SCNN1A: variants seen among roughly 807,000 people sequenced by gnomAD.
SCNN1A encodes epithelial sodium channel subunit alpha.
A neutral mutation model predicts 68.6 loss-of-function variants in SCNN1A; 65 were observed. The ratio of observed to expected loss-of-function variants is 0.95; its 90% CI spans 0.78 to 1.16. SCNN1A has a LOEUF of 1.16. Among genes scored for constraint, SCNN1A ranks in the 50% most tolerant of loss-of-function variants. The pLI, the probability that SCNN1A is intolerant of heterozygous loss-of-function variation, is 0.00. For missense variants in SCNN1A, 880 were observed against 865.9 expected (o/e 1.02, Z -0.20); for synonymous variants, 357 against 353.3 (o/e 1.01, Z -0.12).
Position 6,372,922 on chromosome 12 carries a change from ACT to A in SCNN1A, c.416+1444_416+1445del, listed in dbSNP as rs1053092144. Among the ~76,000 whole-genome samples, 3 of 152,040 alleles carry A rather than the reference ACT, an allele frequency of 2.0e-5. No homozygotes were observed. The highest frequency in any genetic ancestry group is 2.9e-5 in the Non-Finnish European group (2 of 68,000). On this transcript the variant is annotated intron_variant, in intron 2 of 12. Transcript: ENST00000228916. The surrounding 1 kb of genome is among the most constrained non-coding windows in gnomAD (Gnocchi z 5.8). ...AAACAGGATGAGTCACAGCTCAGTC[ACT>A]CTCTCTGTGATGTTGTGACTTGCCT... is the stretch of plus-strand genomic sequence containing the variant.
rs72645133 is a variant in SCNN1A at position 6,375,355 on chromosome 12, C to T, written c.-55+150G>A. ...CAGCTCCAGCCTCTGGCCCTGACCT[C>T]GAGCTGTGTCCTGATTCTGTCTCTG... is the stretch of plus-strand genomic sequence containing the variant. On this transcript the variant is annotated intron_variant, in intron 1 of 12. Transcript: ENST00000228916. The T allele has an allele frequency of 8.5e-5, 123 of 1,451,198 alleles. No homozygotes were observed. In the African/African-American group the frequency reaches 1.3e-3, roughly 16 times the overall value. The allele number at this position is 1,451,198 out of a possible 1,614,324, so 89.9% of individuals were successfully genotyped here.
rs775058248 is a variant in SCNN1A at position 6,374,539 on chromosome 12, A to T, written c.245T>A (p.Met82Lys). ...IRLVCSQHNR[M>K]KTAFWAVLWL... ...CAGCACTGCCCAGAAGGCCGTCTTC[A>T]TGCGGTTGTGCTGGGAGCACACCAG... The change falls in exon 2 of 13, where the codon ATG becomes AAG. Residue 82 changes from methionine to lysine, a missense_variant. Transcript: ENST00000228916. This position sits in a 1 kb window ranked among gnomAD's most constrained non-coding sequence, Gnocchi z 6.2. 1.9e-6 allele frequency: 3 copies of T among 1,614,224 alleles called. No homozygotes were observed. The highest frequency in any genetic ancestry group is 2.5e-6 in the Non-Finnish European group (3 of 1,180,036).
intron 2 of SCNN1A, 41 bp from the exon 3 acceptor site, chr12:6,363,751 G>C (rs764593242): frequency 6.5e-7 from 1 of 1,541,468 alleles, no homozygotes; most frequent in Non-Finnish European, 8.8e-7. Flanking sequence ...AGGGGCCCTG[G>C]AGCGAGTGTC....
Position 6,347,351 on chromosome 12 carries a change from T to C in SCNN1A, c.*522A>G, listed in dbSNP as rs1050028022. On this transcript the variant is annotated 3_prime_UTR_variant, in exon 13 of 13. Transcript: ENST00000228916. ...GCCCTCGGGAGTCAGGGAAGGGGAATTGCCTAAGTAACAAAGGGGGCTTTT... is the reference window on the plus strand; with the variant it reads ...GCCCTCGGGAGTCAGGGAAGGGGAACTGCCTAAGTAACAAAGGGGGCTTTT... The C allele has an allele frequency of 5.4e-5, 9 of 166,514 alleles. No homozygotes were observed. The highest frequency in any genetic ancestry group is 1.9e-4 in the African/African-American group (8 of 41,620). The allele number at this position is 166,514 out of a possible 1,614,324, so 10.3% of individuals were successfully genotyped here. A position where few individuals can be genotyped will look rare whatever the true frequency, so the allele number is the denominator to read the frequency against.
chr12:6,362,388 G>A, intron 3 of SCNN1A, 147 bp from the exon 4 acceptor site: 2 of 760,692 alleles, frequency 2.6e-6, no homozygotes, highest in Admixed American at 3.9e-5. Context: ...AGAAGTGGAA[G>A]AGAAGCAGAA....
chr12:6,369,314 T>TAC (rs2136899983), intron 2 of SCNN1A, among the ~76,000 whole-genome samples: 3 of 136,810 alleles, frequency 2.2e-5, no homozygotes, highest in South Asian at 4.8e-4. Flanking sequence ...CCTGCCACCC[T>TAC]ACGCACCTCC....
At chr12:6,366,551 G>C (rs555470952) in intron 2 of SCNN1A, among the ~76,000 whole-genome samples, 1 of 151,512 alleles carries the variant, frequency 6.6e-6, no homozygotes, top group Non-Finnish European at 1.5e-5. Flanking sequence ...CTGTAATCCC[G>C]GCACTTTGGG....
intron 2 of SCNN1A, 27 bp from the exon 3 acceptor site, chr12:6,363,737 G>C (rs1268644966): frequency 1.3e-6 from 2 of 1,573,964 alleles, no homozygotes; most frequent in Admixed American, 3.5e-5. Flanking sequence ...AAGAGGGTCA[G>C]GCCAGGGGCC....
intron 2 of SCNN1A, among the ~76,000 whole-genome samples, chr12:6,369,855 A>C (rs1010586594): frequency 2.1e-5 from 3 of 143,452 alleles, no homozygotes; most frequent in Non-Finnish European, 4.6e-5. Flanking sequence ...AAAAAAAAAA[A>C]TCTCTCCCTC....
chr12:6,354,838 T>C lies in SCNN1A; in HGVS notation c.1154A>G (p.Asp385Gly), dbSNP rs201214012. ...TSISMRKETLDRLGGDYGDCT... is the reference protein window; with the variant it reads ...TSISMRKETLGRLGGDYGDCT... ...GTCGCCATAATCGCCCCCAAGTCTG[T>C]CCAGGGTTTCCTATGAACCCACATA... Residue 385 changes from aspartate (D) to glycine (G), a missense_variant, in exon 7 of 13, where the codon GAC becomes GGC. Physicochemically the swap from Asp to Gly is moderately conservative, Grantham distance 94. Coordinates refer to ENST00000228916, the MANE Select transcript of SCNN1A (RefSeq NM_001038.6). 1.3e-4 allele frequency: 204 copies of C among 1,613,558 alleles called. 2 individuals carry two copies. Among genetic ancestry groups the C allele is most frequent in the Non-Finnish European group, 8.5e-6 (10 of 1,179,794 alleles).
Position 6,348,149 on chromosome 12 carries a change from G to GACC in SCNN1A, c.1731_1733dup (p.Val578dup). 6.2e-7 allele frequency: 1 copy of GACC among 1,614,164 alleles called. No homozygotes were observed. The highest frequency in any genetic ancestry group is 1.1e-5 in the South Asian group (1 of 91,074). On this transcript the variant is annotated inframe_insertion, in exon 13 of 13. Transcript: ENST00000228916. ...TTCGGAGCAGCATGAGGAACATGAT[G>GACC]ACCAGCAGGTCAAAGACGAGCTCAG...
Position 6,363,794 on chromosome 12 carries a change from C to T in SCNN1A, c.417-84G>A, listed in dbSNP as rs945182963. 11 of 1,335,426 alleles carry T rather than the reference C, an allele frequency of 8.2e-6. No homozygotes were observed. The South Asian group carries it at 9.2e-5, about 11-fold the overall frequency. 82.7% of individuals were successfully genotyped at this position (1,335,426 alleles called of 1,614,324 possible). On this transcript the variant is annotated intron_variant, in intron 2 of 12. Coordinates refer to ENST00000228916, the MANE Select transcript of SCNN1A (RefSeq NM_001038.6). ...TCCGGGGTCAGGGTCCTCATCTGTG[C>T]CCCGGGAGGCCGGTCCATCCCGGAG...
intron 4 of SCNN1A, among the ~76,000 whole-genome samples, chr12:6,359,861 C>T (rs1948555768): frequency 7.0e-6 from 1 of 142,800 alleles, no homozygotes; most frequent in South Asian, 2.2e-4. Context: ...ACCTCCACCT[C>T]TTGGGTTCAA....
chr12:6,358,597 AC>A (rs59873614), intron 4 of SCNN1A, among the ~76,000 whole-genome samples: 25,235 of 151,894 alleles, frequency 0.17, 4,580 homozygotes, highest in African/African-American at 0.46. Flanking sequence ...GGTGGCTTAC[AC>A]CTATAATCCC....
chr12:6,375,654 GGAGGGCTCCC>G, upstream of SCNN1A: 1 of 1,481,994 alleles, frequency 6.7e-7, no homozygotes, highest in Non-Finnish European at 8.9e-7. Context: ...TCCGAAGGAA[GGAGGGCTCCC>G]GAGGGCAGGT....
upstream of SCNN1A, chr12:6,377,270 A>G (rs1390239335): frequency 1.3e-6 from 2 of 1,550,594 alleles, no homozygotes. Flanking sequence ...TGCTCATGAT[A>G]CCTCCCCTTG....
chr12:6,348,021 G>C lies in SCNN1A; in HGVS notation c.1862C>G (p.Pro621Arg). Residue 621 changes from proline (P) to arginine (R), a missense_variant, in exon 13 of 13, where the codon CCC becomes CGC. By Grantham distance (103) the Pro-to-Arg change is moderately radical. Coordinates refer to ENST00000228916, the MANE Select transcript of SCNN1A (RefSeq NM_001038.6). ...TGGCTGGGACAAGGACAGAGACATGGGGTGGGGGCAGAAGTGGGAAGGAGG... is the reference window on the plus strand; with the variant it reads ...TGGCTGGGACAAGGACAGAGACATGCGGTGGGGGCAGAAGTGGGAAGGAGG... The part of the protein sequence containing the change: ...SSPPSHFCPH[P>R]MSLSLSQPGP... The C allele has an allele frequency of 1.3e-6, 2 of 1,598,402 alleles. No homozygotes were observed. Among genetic ancestry groups the C allele is most frequent in the Middle Eastern group, 1.7e-4 (1 of 6,038 alleles).
Position 6,374,249 on chromosome 12 carries a change from A to T in SCNN1A, c.416+119T>A, listed in dbSNP as rs1290152649. 9.9e-6 allele frequency: 11 copies of T among 1,116,422 alleles called. No individual in the cohort carries two copies. The highest frequency in any genetic ancestry group is 1.0e-5 in the Non-Finnish European group (8 of 771,826). 69.2% of individuals were successfully genotyped at this position (1,116,422 alleles called of 1,614,324 possible). ...TTGCCAGCAGTGAGCTCTACCTGGG[A>T]CAGGGGTGTCAGTTCCCACCCTCAG... On this transcript the variant is annotated intron_variant, in intron 2 of 12. Transcript: ENST00000228916. The surrounding 1 kb of genome is among the most constrained non-coding windows in gnomAD (Gnocchi z 6.2).
Position 6,362,256 on chromosome 12 carries a change from T to C in SCNN1A, c.685-15A>G, listed in dbSNP as rs750206526. The C allele has an allele frequency of 1.9e-6, 3 of 1,612,136 alleles. No homozygotes were observed. The highest frequency in any genetic ancestry group is 1.1e-5 in the South Asian group (1 of 91,042). On this transcript the variant is annotated splice_polypyrimidine_tract_variant and intron_variant, in intron 3 of 12. Coordinates refer to ENST00000228916, the MANE Select transcript of SCNN1A (RefSeq NM_001038.6). ...TTCTGGTTGCACTGGACACAGAGAC[T>C]AGAGTCAGAGGGGACACGCAGCCGG...
Sources: gnomAD v4.1 joint callset for allele counts (sites outside exome capture counted in the v4.1 genomes callset) on GRCh38, gnomAD v4.1.1 for gene constraint, Gnocchi (gnomAD v3.1) non-coding constraint, MANE v1.5 for transcripts, NCBI Gene and HGNC (gene_info 2026-07-23, HGNC 2026-07-21) for gene names.